HSD11B1: variants seen among roughly 807,000 people sequenced by gnomAD.
HSD11B1 encodes the protein hydroxysteroid 11-beta dehydrogenase 1, also known as 11-beta-hydroxysteroid dehydrogenase 1.
A neutral mutation model predicts 22.1 loss-of-function variants in HSD11B1; 15 were observed. The observed-to-expected ratio is 0.68, with a 90% CI of 0.45 to 1.04. The LOEUF (loss-of-function observed/expected upper bound fraction) is 1.04, where lower values mean the gene tolerates loss of function less well. HSD11B1 is among the 50% of genes least tolerant of loss of function. The pLI is 0.00. For synonymous variants in HSD11B1, 122 were observed against 125.2 expected, an observed-to-expected ratio of 0.97 and a Z score of 0.17; for missense variants, 281 against 357.6, an observed-to-expected ratio of 0.79 and a Z score of 1.73.
Position 209,707,129 on chromosome 1 carries a change from G to A in HSD11B1, c.517+1G>A. 6.2e-7 allele frequency: 1 copy of A among 1,612,828 alleles called. No individual in the cohort carries two copies. Among genetic ancestry groups the A allele is most frequent in the Middle Eastern group, 1.7e-4 (1 of 6,056 alleles). ...ATTGTTGTCGTCTCCTCTCTGGCTG[G>A]TAAGTGGGACAGGGACATATGTGGA... On this transcript the variant is annotated splice_donor_variant, in intron 4 of 5. Transcript: ENST00000367027. LOFTEE classifies it high-confidence loss of function.
rs1452285765 is a variant in HSD11B1, at chr1:209,710,887, T to C, written c.517+3759T>C. On this transcript the variant is annotated intron_variant, in intron 4 of 5. Transcript: ENST00000367027. ...TTAAAAAATCAACTTTCCCTATATATAGATAGTCTTATTCAAATGTATTCC... is the reference window on the plus strand; with the variant it reads ...TTAAAAAATCAACTTTCCCTATATACAGATAGTCTTATTCAAATGTATTCC... Among the ~76,000 whole-genome samples, 10 of 152,356 alleles carry C rather than the reference T, an allele frequency of 6.6e-5. No individual in the cohort carries two copies. In the South Asian group the frequency reaches 1.9e-3, roughly 28 times the overall value.
At chr1:209,694,837 T>G (rs1366629258) in intron 1 of HSD11B1, among the ~76,000 whole-genome samples, 2 of 152,190 alleles carry the variant, frequency 1.3e-5, no homozygotes, top group African/African-American at 4.8e-5. Flanking sequence ...GTTTTAAAAA[T>G]TAATAGATTG....
chr1:209,731,053 A>G (rs749784558), intron 4 of HSD11B1, among the ~76,000 whole-genome samples: 2 of 152,228 alleles, frequency 1.3e-5, no homozygotes, highest in Non-Finnish European at 2.9e-5. Flanking sequence ...CATCTTGCCA[A>G]CATGAATAGC....
chr1:209,711,135 C>T (rs1449047168), intron 4 of HSD11B1, among the ~76,000 whole-genome samples: 1 of 152,162 alleles, frequency 6.6e-6, no homozygotes, highest in African/African-American at 2.4e-5. Context: ...AAAAATTCAA[C>T]ATTATGAAGT....
chr1:209,687,179 C>T (rs187913590), intron 1 of HSD11B1, among the ~76,000 whole-genome samples: 160 of 152,332 alleles, frequency 1.1e-3, no homozygotes, highest in Non-Finnish European at 1.3e-3. Flanking sequence ...CATCTACAGA[C>T]GACGATGATG....
At chr1:209,711,703 T>A (rs1013067857) in intron 4 of HSD11B1, among the ~76,000 whole-genome samples, 7 of 152,086 alleles carry the variant, frequency 4.6e-5, no homozygotes, top group Non-Finnish European at 8.8e-5. Context: ...AACCTGGGCA[T>A]AAAAATTCCA....
chr1:209,696,112 G>A (rs898698804), intron 1 of HSD11B1, among the ~76,000 whole-genome samples: 14 of 152,298 alleles, frequency 9.2e-5, no homozygotes, highest in South Asian at 4.1e-4. Context: ...AAGATTACAC[G>A]TTGTGTAGTT....
chr1:209,706,038 C>A lies in HSD11B1; in HGVS notation c.219+97C>A. 1.3e-6 allele frequency: 2 copies of A among 1,512,570 alleles called. No homozygotes were observed. Among genetic ancestry groups the A allele is most frequent in the East Asian group, 2.3e-5 (1 of 43,650 alleles). 93.7% of individuals were successfully genotyped at this position (1,512,570 alleles called of 1,614,324 possible). A position where few individuals can be genotyped will look rare whatever the true frequency, so the allele number is the denominator to read the frequency against. On this transcript the variant is annotated intron_variant, in intron 2 of 5. Transcript: ENST00000367027. The surrounding 1 kb of genome is among the most constrained non-coding windows in gnomAD (Gnocchi z 4.0). ...ACACAGAAGCTAGCATATCGCAGAT[C>A]TATATACAGAGGCACATGCACACAC... is the stretch of plus-strand genomic sequence containing the variant.
chr1:209,686,675 G>A (rs1485848249), intron 1 of HSD11B1, among the ~76,000 whole-genome samples: 1 of 152,182 alleles, frequency 6.6e-6, no homozygotes, highest in Non-Finnish European at 1.5e-5. Context: ...GTTGTAAGCA[G>A]TTTTTAAAAT....
At chr1:209,717,488 T>C (rs1224439330) in intron 4 of HSD11B1, among the ~76,000 whole-genome samples, 1 of 152,202 alleles carries the variant, frequency 6.6e-6, no homozygotes, top group Non-Finnish European at 1.5e-5. Context: ...GAAAATAGTT[T>C]GGAGATTTCT....
intron 4 of HSD11B1, among the ~76,000 whole-genome samples, chr1:209,724,727 G>A (rs560639503): frequency 6.6e-6 from 1 of 152,268 alleles, no homozygotes; most frequent in African/African-American, 2.4e-5. Context: ...GAACATAGGG[G>A]TTTCCTCACA....
Position 209,706,661 on chromosome 1 carries a change from C to A in HSD11B1, c.220-48C>A, listed in dbSNP as rs1249570992. On this transcript the variant is annotated intron_variant, in intron 2 of 5. Transcript: ENST00000367027. The surrounding 1 kb of genome is among the most constrained non-coding windows in gnomAD (Gnocchi z 4.0). ...CCCCGTTACTTCAGAGACTACCCCCCAAAAATCTGCAGCTAAGACTGATGC... is the reference window on the plus strand; with the variant it reads ...CCCCGTTACTTCAGAGACTACCCCCAAAAAATCTGCAGCTAAGACTGATGC... 1.5e-6 allele frequency: 2 copies of A among 1,350,474 alleles called. No individual in the cohort carries two copies. Among genetic ancestry groups the A allele is most frequent in the East Asian group, 2.3e-5 (1 of 43,602 alleles). The allele number at this position is 1,350,474 out of a possible 1,614,324, so 83.7% of individuals were successfully genotyped here.
At chr1:209,697,496 T>C (rs945365443) in intron 1 of HSD11B1, among the ~76,000 whole-genome samples, 16 of 152,232 alleles carry the variant, frequency 1.1e-4, no homozygotes, top group African/African-American at 3.9e-4. Flanking sequence ...GCACTGGTAA[T>C]GTCTTACACA....
chr1:209,705,974 G>A (rs751606533), intron 2 of HSD11B1, 33 bp downstream of exon 2: 43 of 1,612,678 alleles, frequency 2.7e-5, no homozygotes, highest in South Asian at 2.5e-4. Flanking sequence ...TATGTGTACC[G>A]TCACATGCTC....
rs140145054 is a variant in HSD11B1 at position 209,697,718 on chromosome 1, G to A, written c.-48-7177G>A. On this transcript the variant is annotated intron_variant, in intron 1 of 6. Coordinates refer to the HSD11B1 transcript ENST00000261465. Reference sequence around the variant, plus strand: ...GCTCCACTTTGGTAAAGGTAGACCAGATGGCTATCAGTAGGCATGGTCCAG... The same window carrying A: ...GCTCCACTTTGGTAAAGGTAGACCAAATGGCTATCAGTAGGCATGGTCCAG... Among the ~76,000 whole-genome samples the A allele has an allele frequency of 3.3e-3, 499 of 152,196 alleles. 3 individuals are homozygous for A. The highest frequency in any genetic ancestry group is 0.012 in the African/African-American group (479 of 41,524).
intron 4 of HSD11B1, among the ~76,000 whole-genome samples, chr1:209,712,583 A>C (rs1177156595): frequency 6.6e-6 from 1 of 152,210 alleles, no homozygotes; most frequent in Non-Finnish European, 1.5e-5. Context: ...TATCCACAGA[A>C]GATCCTGGAA....
At chr1:209,730,195 T>G (rs2077027030) in intron 4 of HSD11B1, among the ~76,000 whole-genome samples, 1 of 152,234 alleles carries the variant, frequency 6.6e-6, no homozygotes, top group Non-Finnish European at 1.5e-5. Flanking sequence ...AAAACCTCAC[T>G]GCAACTTAAC....
intron 4 of HSD11B1, among the ~76,000 whole-genome samples, chr1:209,710,986 T>C (rs2076891322): frequency 6.6e-6 from 1 of 152,216 alleles, no homozygotes; most frequent in Admixed American, 6.5e-5. Context: ...TCAGGCACTT[T>C]GAGTTGAGTT....
rs561824824 is a variant in HSD11B1, at chr1:209,721,222, G to A, written c.518-11214G>A. ...TCTGTTGTCTTAAGCCACCCAGTTT[G>A]TGGTAATTTGTTATGACAGCCCTAG... On this transcript the variant is annotated intron_variant, in intron 4 of 5. Coordinates refer to ENST00000367027, the MANE Select transcript of HSD11B1 (RefSeq NM_005525.4). Among the ~76,000 whole-genome samples the A allele has an allele frequency of 1.6e-4, 25 of 152,232 alleles. 2 individuals carry two copies. The South Asian group carries it at 4.8e-3, about 29-fold the overall frequency.
Sources: gnomAD v4.1 joint callset for allele counts (sites outside exome capture counted in the v4.1 genomes callset) on GRCh38, gnomAD v4.1.1 for gene constraint, Gnocchi (gnomAD v3.1) non-coding constraint, MANE v1.5 for transcripts, NCBI Gene and HGNC (gene_info 2026-07-23, HGNC 2026-07-21) for gene names.